ZC3HAV1L: variants seen among roughly 807,000 people sequenced by gnomAD.
ZC3HAV1L encodes the protein ZC3HAV1 like, also known as zinc finger CCCH-type antiviral protein 1-like.
In ZC3HAV1L, 23 loss-of-function variants were observed where a neutral mutation model predicts 28.2. That is an observed-to-expected ratio of 0.82 (90% CI 0.59 to 1.16). ZC3HAV1L has a LOEUF of 1.16. Ranked by LOEUF, ZC3HAV1L falls within the 50% of genes most tolerant of loss-of-function variation. The pLI is 0.00. For synonymous variants in ZC3HAV1L, 180 were observed against 163.4 expected (o/e 1.10, Z -0.78); for missense variants, 376 against 387.7 (o/e 0.97, Z 0.25).
At chr7:139,023,263 A>G (rs1325339099), downstream of ZC3HAV1L, among the ~76,000 whole-genome samples, 2 of 151,972 alleles carry the variant, frequency 1.3e-5, no homozygotes, top group Non-Finnish European at 2.9e-5. Flanking sequence ...AATTCCAAGT[A>G]GGTCAAGTAC....
rs1237443036 is a variant in ZC3HAV1L at position 139,034,665 on chromosome 7, G to C, written c.379C>G (p.Leu127Val). 1 of 1,613,858 alleles carries C rather than the reference G, an allele frequency of 6.2e-7. No homozygotes were observed. Among genetic ancestry groups the C allele is most frequent in the African/African-American group, 1.3e-5 (1 of 74,914 alleles). Reference protein sequence around the residue: ...PNRDCWSTCTLSHDIHTPVNM... With the variant: ...PNRDCWSTCTVSHDIHTPVNM... ...ACAGGTGTGTGGATATCATGGGAAA[G>C]GGTACAGGTAGACCTAAAAGAACAA... is the stretch of plus-strand genomic sequence containing the variant. The change falls in exon 2 of 5, where the codon CTT becomes GTT. Residue 127 changes from leucine to valine, a missense_variant. Leu to Val is a conservative substitution (Grantham distance 32). Coordinates refer to ENST00000275766, the MANE Select transcript of ZC3HAV1L (RefSeq NM_080660.4).
intron 1 of ZC3HAV1L, chr7:139,035,353 G>A (rs1162399890): frequency 4.1e-6 from 4 of 985,312 alleles, no homozygotes; most frequent in African/African-American, 1.7e-5. Flanking sequence ...GAGCTCCGAA[G>A]TCCCAGTCCG....
intron 2 of ZC3HAV1L, among the ~76,000 whole-genome samples, chr7:139,031,968 G>T (rs138057081): frequency 6.6e-6 from 1 of 151,998 alleles, no homozygotes; most frequent in South Asian, 2.1e-4. Flanking sequence ...CCAGCTACTC[G>T]AGAGGCTGAA....
At chr7:139,035,514 C>T (rs900271967) in intron 1 of ZC3HAV1L, 139 bp downstream of exon 1, 37 of 1,311,098 alleles carry the variant, frequency 2.8e-5, no homozygotes, top group Non-Finnish European at 3.5e-5. Context: ...CCAGGAAAGG[C>T]CTGCGGGAGG....
At chr7:139,035,177 G>A (rs941972426) in intron 1 of ZC3HAV1L, 3 of 985,284 alleles carry the variant, frequency 3.0e-6, no homozygotes, top group African/African-American at 3.5e-5. Context: ...TGTTTCCTGG[G>A]GTGAGACTGG....
At position 139,028,763 on chromosome 7, in the gene ZC3HAV1L, A is replaced by C; in HGVS notation, c.699T>G (p.Val233=). ...TGTAGGTGGAGATTATCTGAAAATT[A>C]ACAACACTTGGAATATTCAGTCCTT... ...QDQGLNIPSV[V]NFQIISTYKH... Residue 233 remains valine, a synonymous_variant, in exon 3 of 5, where the codon GTT becomes GTG. Transcript: ENST00000275766. 6.2e-7 allele frequency: 1 copy of C among 1,614,196 alleles called. No homozygotes were observed. The highest frequency in any genetic ancestry group is 8.5e-7 in the Non-Finnish European group (1 of 1,180,026).
chr7:139,028,912 G>A lies in ZC3HAV1L; in HGVS notation c.550C>T (p.Leu184Phe), dbSNP rs1370063728. Residue 184 changes from leucine (L) to phenylalanine (F), a missense_variant, in exon 3 of 5, where the codon CTC becomes TTC. By Grantham distance (22) the Leu-to-Phe change is conservative. Coordinates refer to ENST00000275766, the MANE Select transcript of ZC3HAV1L (RefSeq NM_080660.4). The part of the protein sequence containing the change: ...KGEALYGYCN[L>F]KDKCNKFHVC... ...TGAAACTTGTTGCATTTATCCTTGA[G>A]GTTGCAGTAGCCATACAGGGCTTCC... The A allele has an allele frequency of 1.9e-6, 3 of 1,614,176 alleles. No homozygotes were observed. The highest frequency in any genetic ancestry group is 1.7e-5 in the Admixed American group (1 of 60,018).
downstream of ZC3HAV1L, among the ~76,000 whole-genome samples, chr7:139,023,194 A>AAAC (rs1387516312): frequency 6.6e-6 from 1 of 151,462 alleles, no homozygotes. Flanking sequence ...AAAAAAAAAA[A>AAAC]AAAAAAAACA....
In ZC3HAV1L at chr7:139,026,462, T is replaced by C; in HGVS notation, c.*82A>G. The C allele has an allele frequency of 6.3e-7, 1 of 1,585,874 alleles. No individual in the cohort carries two copies. Among genetic ancestry groups the C allele is most frequent in the Non-Finnish European group, 8.6e-7 (1 of 1,169,012 alleles). ...CACTCAATTTTAGCCTCTCTTTGCC[T>C]GTTCAATGTCCCACCCCATCCCCAA... On this transcript the variant is annotated 3_prime_UTR_variant, in exon 5 of 5. Coordinates refer to ENST00000275766, the MANE Select transcript of ZC3HAV1L (RefSeq NM_080660.4).
chr7:139,035,967 G>A lies in ZC3HAV1L; in HGVS notation c.51C>T (p.His17=), dbSNP rs1815702981. Residue 17 remains histidine (H), a synonymous_variant, in exon 1 of 5, where the codon CAC becomes CAT. Transcript: ENST00000275766. ...GGTCCTTCAGGAACATGCGGCCGCC[G>A]TGGGCGCACAGCACCTTGGTGAGGA... ...CSFLTKVLCA[H]GGRMFLKDLR... 2 of 1,522,336 alleles carry A rather than the reference G, an allele frequency of 1.3e-6. No individual in the cohort carries two copies. Among genetic ancestry groups the A allele is most frequent in the Non-Finnish European group, 1.7e-6 (2 of 1,143,130 alleles). 94.3% of individuals were successfully genotyped at this position (1,522,336 alleles called of 1,614,324 possible).
intron 2 of ZC3HAV1L, 117 bp from the exon 3 acceptor site, chr7:139,029,077 A>C: frequency 3.3e-5 from 40 of 1,209,998 alleles, no homozygotes; most frequent in Non-Finnish European, 3.9e-5. Flanking sequence ...ATCTTGGCTC[A>C]CTGCAACCTC....
Position 139,028,619 on chromosome 7 carries a change from A to G in ZC3HAV1L, c.760+83T>C, listed in dbSNP as rs534841581. 1.9e-5 allele frequency: 29 copies of G among 1,517,680 alleles called. No individual in the cohort carries two copies. The South Asian group carries it at 3.3e-4, about 17-fold the overall frequency. 94.0% of individuals were successfully genotyped at this position (1,517,680 alleles called of 1,614,324 possible). On this transcript the variant is annotated intron_variant, in intron 3 of 4. Coordinates refer to ENST00000275766, the MANE Select transcript of ZC3HAV1L (RefSeq NM_080660.4). ...CTGCTTTGCCCCCAGACTCACTTTC[A>G]TGTCACTGTTCTTACTTCTTCACAG...
chr7:139,035,069 A>C, intron 1 of ZC3HAV1L: 1 of 985,374 alleles, frequency 1.0e-6, no homozygotes, highest in Non-Finnish European at 1.2e-6. Flanking sequence ...ACCAAGGAAA[A>C]TTCGGGGCTG....
At chr7:139,027,436 G>A (rs1200627141) in intron 3 of ZC3HAV1L, among the ~76,000 whole-genome samples, 1 of 152,236 alleles carries the variant, frequency 6.6e-6, no homozygotes, top group African/African-American at 2.4e-5. Context: ...ACTTTGGGAG[G>A]CCAGGGCTGG....
chr7:139,034,198 T>G (rs1413211317), intron 2 of ZC3HAV1L: 1 of 983,668 alleles, frequency 1.0e-6, no homozygotes, highest in Non-Finnish European at 1.2e-6. Context: ...TTTCTCAACA[T>G]CTCCCCTTCT....
chr7:139,033,396 T>C lies in ZC3HAV1L; in HGVS notation c.501+1147A>G, dbSNP rs1815594961. On this transcript the variant is annotated intron_variant, in intron 2 of 4. Transcript: ENST00000275766. ...ATGCACCAGCATGAAACTTTACCTG[T>C]CTATTGTCTTTTTTATTGAGAGAGT... is the stretch of plus-strand genomic sequence containing the variant. 2.0e-5 allele frequency among the ~76,000 whole-genome samples: 3 copies of C among 152,306 alleles called. No homozygotes were observed. The South Asian group carries it at 6.2e-4, about 32-fold the overall frequency.
chr7:139,027,000 T>TAGAG, intron 3 of ZC3HAV1L, among the ~76,000 whole-genome samples, 167 bp from the exon 4 acceptor site: 1 of 151,332 alleles, frequency 6.6e-6, no homozygotes, highest in South Asian at 2.1e-4. Flanking sequence ...GTATAAAAAA[T>TAGAG]AGAGAGAGAG....
intron 1 of ZC3HAV1L, chr7:139,035,378 G>T (rs983184644): frequency 9.8e-5 from 97 of 985,302 alleles, no homozygotes; most frequent in Non-Finnish European, 1.0e-4. Context: ...TAACCCGGCC[G>T]CGTCGCGCAG....
At chr7:139,028,658 A>C in intron 3 of ZC3HAV1L, 44 bp downstream of exon 3, 6 of 1,589,120 alleles carry the variant, frequency 3.8e-6, no homozygotes, top group Non-Finnish European at 5.1e-6. Context: ...AGCATCGCAA[A>C]ACCATATCGC....
Sources: allele counts gnomAD v4.1 joint callset (sites outside exome capture counted in the v4.1 genomes callset), GRCh38; gene constraint gnomAD v4.1.1; transcripts MANE v1.5; gene names NCBI Gene and HGNC (gene_info 2026-07-23, HGNC 2026-07-21).